Variants in PPARGC1A observed in about 807,000 individuals in gnomAD.
PPARGC1A encodes the protein peroxisome proliferator-activated receptor gamma coactivator 1-alpha.
PPARGC1A carries 25 observed loss-of-function variants against 88.7 expected under a neutral mutation model. That is an observed-to-expected ratio of 0.28 (90% confidence interval 0.21 to 0.39). The LOEUF (loss-of-function observed/expected upper bound fraction) is 0.39. PPARGC1A is among the 10% of genes least tolerant of loss of function. The probability of loss-of-function intolerance (pLI) is 1.00; values close to 1 mark genes in which losing one functional copy is unlikely to be tolerated. For missense variants in PPARGC1A, 880 were observed against 968.7 expected, an observed-to-expected ratio of 0.91 and a Z score of 1.22; for synonymous variants, 363 against 355.6, an observed-to-expected ratio of 1.02 and a Z score of -0.24.
chr4:24,310,023 C>T, the PPARGC1A span, among the ~76,000 whole-genome samples: 1,417 of 152,014 alleles, frequency 9.3e-3, 31 homozygotes, highest in African/African-American at 0.033. Context: ...AGTTGAACAT[C>T]CAGAAGGATG....
the PPARGC1A span, among the ~76,000 whole-genome samples, chr4:24,409,725 C>T: frequency 6.6e-6 from 1 of 152,104 alleles, no homozygotes; most frequent in Non-Finnish European, 1.5e-5. Context: ...GTAGGGTGTG[C>T]ATGGCTCATT....
chr4:24,367,193 G>A, the PPARGC1A span, among the ~76,000 whole-genome samples: 2 of 152,178 alleles, frequency 1.3e-5, no homozygotes, highest in African/African-American at 4.8e-5. Context: ...GGAAAAGTGG[G>A]CATCCCAGGA....
chr4:24,289,242 AAG>A, the PPARGC1A span, among the ~76,000 whole-genome samples: 53 of 95,812 alleles, frequency 5.5e-4, no homozygotes, highest in East Asian at 4.6e-3. Context: ...AAAAAAAAAA[AAG>A]AGAGAGAGAG....
the PPARGC1A span, among the ~76,000 whole-genome samples, chr4:24,422,572 C>G: frequency 6.6e-6 from 1 of 151,682 alleles, no homozygotes; most frequent in South Asian, 2.1e-4. Flanking sequence ...CCCACCTACA[C>G]CCTGAGCTAC....
chr4:24,368,019 G>C, the PPARGC1A span, among the ~76,000 whole-genome samples: 1 of 152,126 alleles, frequency 6.6e-6, no homozygotes, highest in Non-Finnish European at 1.5e-5. Context: ...CATGAAGAGA[G>C]AAAGGAAAAG....
At chr4:24,468,281 A>C in the PPARGC1A span, among the ~76,000 whole-genome samples, 1 of 152,220 alleles carries the variant, frequency 6.6e-6, no homozygotes, top group African/African-American at 2.4e-5. Flanking sequence ...GGAAGCTTGC[A>C]CTACTGCCAT....
chr4:24,096,928 A>G, the PPARGC1A span, among the ~76,000 whole-genome samples: 1 of 152,188 alleles, frequency 6.6e-6, no homozygotes, highest in East Asian at 1.9e-4. Flanking sequence ...CCTTTAGCTT[A>G]TAGAATAAAA....
chr4:23,808,990 G>A (rs1720382590), intron 10 of PPARGC1A, among the ~76,000 whole-genome samples: 1 of 151,392 alleles, frequency 6.6e-6, no homozygotes, highest in South Asian at 2.1e-4. Flanking sequence ...TGTTTTTCTG[G>A]TTCCCTAAAT....
chr4:24,172,160 A>T, the PPARGC1A span, among the ~76,000 whole-genome samples: 126,242 of 152,148 alleles, frequency 0.83, 53,658 homozygotes, highest in Middle Eastern at 0.93. Flanking sequence ...GGCTCCCAAG[A>T]TATAGCACAG....
At chr4:23,809,109 T>C (rs1720404136) in intron 10 of PPARGC1A, among the ~76,000 whole-genome samples, 1 of 152,186 alleles carries the variant, frequency 6.6e-6, no homozygotes, top group South Asian at 2.1e-4. Context: ...TGAAAGAACA[T>C]CATGTACCTG....
At chr4:24,113,686 T>C in the PPARGC1A span, among the ~76,000 whole-genome samples, 2 of 151,892 alleles carry the variant, frequency 1.3e-5, no homozygotes, top group Admixed American at 1.3e-4. Context: ...ATGGGAAAAA[T>C]AAATAAATAA....
intron 2 of PPARGC1A, among the ~76,000 whole-genome samples, chr4:23,852,790 G>A (rs57203226): frequency 0.022 from 3,271 of 151,816 alleles, 85 homozygotes; most frequent in African/African-American, 0.067. Context: ...TTATCTTTTC[G>A]TGAGCACATT....
the PPARGC1A span, among the ~76,000 whole-genome samples, chr4:24,197,075 T>C: frequency 1.3e-5 from 2 of 152,202 alleles, no homozygotes; most frequent in Non-Finnish European, 2.9e-5. Context: ...AATTGCCAGT[T>C]AGAAATAGAT....
At chr4:24,464,102 G>A in the PPARGC1A span, among the ~76,000 whole-genome samples, 7 of 152,330 alleles carry the variant, frequency 4.6e-5, no homozygotes, top group African/African-American at 1.4e-4. Flanking sequence ...GTTGTTCCAT[G>A]CCACATTTCA....
At chr4:23,975,237 G>C in the PPARGC1A span, among the ~76,000 whole-genome samples, 2 of 152,056 alleles carry the variant, frequency 1.3e-5, no homozygotes, top group African/African-American at 4.8e-5. Flanking sequence ...TTCAAAACTG[G>C]TAAATATTTT....
At chr4:24,406,543 T>G in the PPARGC1A span, among the ~76,000 whole-genome samples, 1 of 152,222 alleles carries the variant, frequency 6.6e-6, no homozygotes, top group Admixed American at 6.5e-5. Flanking sequence ...TAAACGTCAA[T>G]GCTAGAAATG....
At chr4:24,189,474 G>A in the PPARGC1A span, among the ~76,000 whole-genome samples, 7 of 151,974 alleles carry the variant, frequency 4.6e-5, no homozygotes, top group African/African-American at 1.5e-4. Flanking sequence ...GCTGTAGCTC[G>A]CCTTCTGACA....
chr4:23,911,219 C>G, the PPARGC1A span, among the ~76,000 whole-genome samples: 2 of 152,176 alleles, frequency 1.3e-5, no homozygotes, highest in Admixed American at 6.5e-5. Flanking sequence ...TTCCTCCCCC[C>G]TCCCCTACTT....
chr4:23,814,027 C>A lies in PPARGC1A; in HGVS notation c.1456G>T (p.Asp486Tyr). 1 of 1,614,044 alleles carries A rather than the reference C, an allele frequency of 6.2e-7. No homozygotes were observed. The highest frequency in any genetic ancestry group is 1.1e-5 in the South Asian group (1 of 91,080). The part of the protein sequence containing the change: ...DEADKTGELR[D>Y]SDFSNEQFSK... ...AATTGTTCATTACTGAAATCACTGT[C>A]CCTCAGTTCACCGGTCTTGTCTGCT... The change falls in exon 8 of 13, where the codon GAC becomes TAC. Residue 486 changes from aspartate to tyrosine, a missense_variant. Coordinates refer to ENST00000264867, the MANE Select transcript of PPARGC1A (RefSeq NM_013261.5).
Sources: gnomAD v4.1 joint callset for allele counts (sites outside exome capture counted in the v4.1 genomes callset) on GRCh38, gnomAD v4.1.1 for gene constraint, MANE v1.5 for transcripts, NCBI Gene and HGNC (gene_info 2026-07-23, HGNC 2026-07-21) for gene names.